DPYD: variants seen among roughly 807,000 people sequenced by gnomAD.
DPYD encodes the protein dihydropyrimidine dehydrogenase [NADP(+)].
In DPYD, 109 loss-of-function variants were observed where a neutral mutation model predicts 116.2. The ratio of observed to expected loss-of-function variants is 0.94; its 90% CI spans 0.80 to 1.10. DPYD has a LOEUF of 1.10. Ranked by LOEUF, DPYD falls within the 50% of genes least tolerant of loss-of-function variation. The pLI is 0.00. For synonymous variants in DPYD, 440 were observed against 432.0 expected (o/e 1.02, Z -0.23); for missense variants, 1,302 against 1,254.5 (o/e 1.04, Z -0.57).
intron 16 of DPYD, among the ~76,000 whole-genome samples, chr1:97,310,242 G>A (rs1244488307): frequency 3.3e-5 from 5 of 151,668 alleles, no homozygotes; most frequent in East Asian, 1.9e-4. Context: ...ATGCCAAGAG[G>A]TGGCTAGAAT....
intron 11 of DPYD, among the ~76,000 whole-genome samples, chr1:97,557,925 C>T (rs1244413929): frequency 6.6e-6 from 1 of 152,124 alleles, no homozygotes. Context: ...CTCAATAAAG[C>T]CAAGAGGTGG....
At chr1:97,615,680 T>C (rs1010166788) in intron 8 of DPYD, among the ~76,000 whole-genome samples, 3 of 152,164 alleles carry the variant, frequency 2.0e-5, no homozygotes, top group African/African-American at 7.2e-5. Context: ...TCCTCTCTGT[T>C]GGTATCATTC....
intron 8 of DPYD, among the ~76,000 whole-genome samples, chr1:97,596,158 C>T (rs1425560276): frequency 6.6e-6 from 1 of 151,920 alleles, no homozygotes; most frequent in Non-Finnish European, 1.5e-5. Flanking sequence ...AAAAAGACAA[C>T]AGAACGAATA....
At chr1:97,837,346 A>G (rs1411130086) in intron 2 of DPYD, among the ~76,000 whole-genome samples, 1 of 152,144 alleles carries the variant, frequency 6.6e-6, no homozygotes, top group African/African-American at 2.4e-5. Flanking sequence ...AAGGTTTACA[A>G]TTATACCCTT....
chr1:97,373,951 A>C (rs1453456395), intron 15 of DPYD, among the ~76,000 whole-genome samples: 1 of 152,222 alleles, frequency 6.6e-6, no homozygotes, highest in Non-Finnish European at 1.5e-5. Flanking sequence ...CCAAGTTTAC[A>C]GGCATGTGAA....
At chr1:97,644,692 T>C (rs1658152617) in intron 8 of DPYD, among the ~76,000 whole-genome samples, 1 of 151,366 alleles carries the variant, frequency 6.6e-6, no homozygotes, top group Non-Finnish European at 1.5e-5. Context: ...ACTCCTGACC[T>C]CATGATCTGC....
chr1:97,329,899 T>C (rs982292066), intron 16 of DPYD, among the ~76,000 whole-genome samples: 2 of 150,848 alleles, frequency 1.3e-5, no homozygotes, highest in African/African-American at 2.4e-5. Flanking sequence ...TTGATGAAGG[T>C]TAAAATTTAC....
intron 8 of DPYD, among the ~76,000 whole-genome samples, chr1:97,636,670 C>T (rs1338645570): frequency 4.0e-5 from 6 of 150,284 alleles, no homozygotes; most frequent in African/African-American, 1.5e-4. Context: ...CAAACTTTTG[C>T]TTCCCCACTT....
rs191619791 is a variant in DPYD, at chr1:97,208,420, G to A, written c.2443-15172C>T. ...CTCCTTCAGCCTCCTGGGTAGCTGG[G>A]ACTACAGGCGCATGCCACCATGCTT... On this transcript the variant is annotated intron_variant, in intron 19 of 22. Transcript: ENST00000370192. Among the ~76,000 whole-genome samples the A allele has an allele frequency of 1.9e-3, 285 of 151,532 alleles. 1 individual carries two copies. Among genetic ancestry groups the A allele is most frequent in the African/African-American group, 6.4e-3 (265 of 41,372 alleles).
chr1:97,462,817 G>A (rs542876249), intron 13 of DPYD, among the ~76,000 whole-genome samples: 1 of 152,240 alleles, frequency 6.6e-6, no homozygotes, highest in South Asian at 2.1e-4. Context: ...TCTTTTCCCT[G>A]ATCTAGGAGA....
intron 3 of DPYD, among the ~76,000 whole-genome samples, chr1:97,790,606 T>C (rs1667271653): frequency 6.6e-6 from 1 of 152,226 alleles, no homozygotes; most frequent in Non-Finnish European, 1.5e-5. Flanking sequence ...ATGTGGATAA[T>C]ACCATATGTT....
chr1:97,403,775 T>A (rs1055792304), intron 14 of DPYD, among the ~76,000 whole-genome samples: 7 of 152,030 alleles, frequency 4.6e-5, no homozygotes, highest in Non-Finnish European at 1.0e-4. Context: ...TTTTCTATAT[T>A]GATTTTTTTT....
At chr1:97,601,429 T>A (rs546947577) in intron 8 of DPYD, among the ~76,000 whole-genome samples, 1 of 152,108 alleles carries the variant, frequency 6.6e-6, no homozygotes, top group Admixed American at 6.5e-5. Flanking sequence ...GTATACAGGA[T>A]GTGTAAAAGT....
At chr1:97,778,704 T>C (rs1666563545) in intron 3 of DPYD, among the ~76,000 whole-genome samples, 1 of 152,158 alleles carries the variant, frequency 6.6e-6, no homozygotes, top group South Asian at 2.1e-4. Flanking sequence ...TGTATCAATA[T>C]ATATAGGCAT....
rs113742947 is a variant in DPYD at position 97,663,987 on chromosome 1, G to C, written c.850+15108C>G. Among the ~76,000 whole-genome samples the C allele has an allele frequency of 6.3e-3, 958 of 152,148 alleles. 10 individuals are homozygous for C. The highest frequency in any genetic ancestry group is 0.022 in the African/African-American group (907 of 41,502). On this transcript the variant is annotated intron_variant, in intron 8 of 22. Transcript: ENST00000370192. ...TTGTGTTATATATTGTGGGAAAAAA[G>C]GAATAGTCAAAGTCACAGATTAGAA...
At chr1:97,214,604 G>T (rs1660250848) in intron 19 of DPYD, among the ~76,000 whole-genome samples, 1 of 152,192 alleles carries the variant, frequency 6.6e-6, no homozygotes, top group African/African-American at 2.4e-5. Context: ...ATAAAATCCA[G>T]AAGGACTGGG....
At chr1:97,844,613 C>A (rs1432312600) in intron 2 of DPYD, among the ~76,000 whole-genome samples, 3 of 152,206 alleles carry the variant, frequency 2.0e-5, no homozygotes, top group Non-Finnish European at 4.4e-5. Context: ...AAGACACCAG[C>A]TGCAGCTGGG....
At chr1:97,128,965 A>C (rs1653060590) in intron 20 of DPYD, among the ~76,000 whole-genome samples, 2 of 152,248 alleles carry the variant, frequency 1.3e-5, no homozygotes, top group South Asian at 4.2e-4. Context: ...AAGCCCACCC[A>C]AACTTTGTCC....
intron 2 of DPYD, among the ~76,000 whole-genome samples, chr1:97,831,989 C>T (rs972553689): frequency 4.7e-5 from 7 of 149,040 alleles, no homozygotes; most frequent in South Asian, 2.1e-4. Flanking sequence ...ACTGAAAATT[C>T]GGAACAATTT....
Sources: gnomAD v4.1 joint callset for allele counts (sites outside exome capture counted in the v4.1 genomes callset) on GRCh38, gnomAD v4.1.1 for gene constraint, MANE v1.5 for transcripts, NCBI Gene and HGNC (gene_info 2026-07-23, HGNC 2026-07-21) for gene names.